The following SECISBP2 variants were observed in gnomAD, a reference collection of about 807,000 sequenced individuals.
The protein encoded by SECISBP2 is selenocysteine insertion sequence-binding protein 2.
SECISBP2 carries 96 observed loss-of-function variants against 98.2 expected under a neutral mutation model. That is an observed-to-expected ratio of 0.98 (90% CI 0.83 to 1.16). The LOEUF is 1.16. SECISBP2 is among the 50% of genes most tolerant of loss of function. The pLI is 0.00. For synonymous variants in SECISBP2, 407 were observed against 370.2 expected, an observed-to-expected ratio of 1.10 and a Z score of -1.14; for missense variants, 1,046 against 1,022.9, an observed-to-expected ratio of 1.02 and a Z score of -0.31.
Position 89,349,538 on chromosome 9 carries a change from A to G in SECISBP2, c.1739-238A>G, listed in dbSNP as rs78819008. Among the ~76,000 whole-genome samples, 1,052 of 152,376 alleles carry G rather than the reference A, an allele frequency of 6.9e-3. 15 individuals carry two copies. Among genetic ancestry groups the G allele is most frequent in the African/African-American group, 0.024 (996 of 41,590 alleles). ...ATTTTACCATAATAAAAATGAATGT[A>G]TAAGTAAATTGAGGGGAGGCACACC... On this transcript the variant is annotated intron_variant, in intron 12 of 16. Transcript: ENST00000375807.
rs1344577517 is a variant in SECISBP2 at position 89,359,625 on chromosome 9, TAAAG to T, written c.*803_*806del. ...AGTAAGAGGGCTTATTTATTTTAAATAAAGAGTAATTATTAAATTTTGTTTCAGA... is the reference window on the plus strand; with the variant it reads ...AGTAAGAGGGCTTATTTATTTTAAATAGTAATTATTAAATTTTGTTTCAGA... On this transcript the variant is annotated 3_prime_UTR_variant, in exon 17 of 17. Transcript: ENST00000375807. The T allele has an allele frequency of 6.6e-6, 1 of 152,180 alleles. No individual in the cohort carries two copies. Among genetic ancestry groups the T allele is most frequent in the East Asian group, 1.9e-4 (1 of 5,200 alleles). 9.4% of individuals were successfully genotyped at this position (152,180 alleles called of 1,614,324 possible).
chr9:89,338,542 T>G lies in SECISBP2; in HGVS notation c.1174T>G (p.Tyr392Asp), dbSNP rs1829148996. The G allele has an allele frequency of 6.2e-7, 1 of 1,612,876 alleles. No individual in the cohort carries two copies. The highest frequency in any genetic ancestry group is 1.1e-5 in the South Asian group (1 of 90,882). ...AAAGAAAGAAAAATCTACATCAAAA[T>G]ATGAAGTCCTGACAGTTCAAGAGCC... ...KKKKEKSTSK[Y>D]EVLTVQEPPR... Residue 392 changes from tyrosine (Y) to aspartate (D), a missense_variant, in exon 8 of 17, where the codon TAT becomes GAT. Coordinates refer to ENST00000375807, the MANE Select transcript of SECISBP2 (RefSeq NM_024077.5).
intron 10 of SECISBP2, among the ~76,000 whole-genome samples, chr9:89,346,449 A>G (rs914273388): frequency 1.3e-5 from 2 of 152,184 alleles, no homozygotes; most frequent in African/African-American, 4.8e-5. Flanking sequence ...TGCGGAAACC[A>G]ATAGGGCCAG....
rs779034587 is a variant in SECISBP2 at position 89,348,157 on chromosome 9, A to G, written c.1681A>G (p.Thr561Ala). 4 of 1,614,050 alleles carry G rather than the reference A, an allele frequency of 2.5e-6. No homozygotes were observed. The highest frequency in any genetic ancestry group is 1.7e-5 in the Admixed American group (1 of 60,008). Residue 561 changes from threonine to alanine, a missense_variant, in exon 12 of 17, where the codon ACA (threonine) becomes GCA (alanine). Thr to Ala is a moderately conservative substitution (Grantham distance 58, BLOSUM62 0). Transcript: ENST00000375807. ...AVSPAFTSDD[T>A]QDGESGGDDQ... ...GAGTCCAGCTTTTACCAGTGATGAC[A>G]CACAAGATGGAGAGAGTGGTGGTGA...
chr9:89,361,951 C>A, downstream of SECISBP2: 1 of 190,418 alleles, frequency 5.3e-6, no homozygotes, highest in Non-Finnish European at 1.1e-5. Flanking sequence ...AAGCAGCGAT[C>A]TGTGCTGGCC....
rs1306537708 is a variant in SECISBP2 at position 89,349,935 on chromosome 9, T to C, written c.1892+6T>C. ...CACAGCCGCAGATTCAGGGAGTGAG[T>C]GAGCCCCTGCCTGCCAGGGACTAGG... On this transcript the variant is annotated splice_donor_region_variant and intron_variant, in intron 13 of 16. Transcript: ENST00000375807. The C allele has an allele frequency of 6.2e-7, 1 of 1,613,712 alleles. No individual in the cohort carries two copies. Among genetic ancestry groups the C allele is most frequent in the Non-Finnish European group, 8.5e-7 (1 of 1,179,938 alleles).
chr9:89,335,603 TTACTGGCG>T (rs1321504752), intron 7 of SECISBP2, among the ~76,000 whole-genome samples: 3 of 152,312 alleles, frequency 2.0e-5, no homozygotes, highest in African/African-American at 2.4e-5. Context: ...AGTGCTGGGA[TTACTGGCG>T]TGAGCCACCG....
At chr9:89,322,725 G>A (rs116224328) in intron 2 of SECISBP2, 27 of 152,346 alleles carry the variant, frequency 1.8e-4, no homozygotes, top group African/African-American at 3.6e-4. Flanking sequence ...CACGTGGCTC[G>A]GTGGGTGGAG....
At chr9:89,329,459 C>CT (rs942713899) in intron 5 of SECISBP2, 21 of 150,054 alleles carry the variant, frequency 1.4e-4, no homozygotes, top group South Asian at 2.1e-4. Flanking sequence ...CCTAGTATAC[C>CT]TTTTTTTTTG....
In SECISBP2 at chr9:89,349,771, T is replaced by C. The variant is rs1215725106; in HGVS notation, c.1739-5T>C. 6.2e-6 allele frequency: 10 copies of C among 1,613,842 alleles called. No individual in the cohort carries two copies. The highest frequency in any genetic ancestry group is 5.0e-5 in the Admixed American group (3 of 59,994). On this transcript the variant is annotated splice_region_variant and splice_polypyrimidine_tract_variant and intron_variant, in intron 12 of 16. Coordinates refer to ENST00000375807, the MANE Select transcript of SECISBP2 (RefSeq NM_024077.5). The stretch of plus-strand genomic sequence containing the variant: ...TATCTGATGATGCCTTTTTCCTCCA[T>C]GAAGGGCCAGAGGGGATGGACGAAC...
rs748823216 is a variant in SECISBP2, at chr9:89,318,517, C to T, written c.-60C>T. ...GCGGGGGCGGAAACGCTTTGTCTGT[C>T]CGGCAAGCCGACGGCCCGCTGCTGG... On this transcript the variant is annotated 5_prime_UTR_variant, in exon 1 of 17. Coordinates refer to ENST00000375807, the MANE Select transcript of SECISBP2 (RefSeq NM_024077.5). 1 of 1,501,888 alleles carries T rather than the reference C, an allele frequency of 6.7e-7. No individual in the cohort carries two copies. 93.0% of individuals were successfully genotyped at this position (1,501,888 alleles called of 1,614,324 possible).
At chr9:89,355,470 A>G (rs533468778) in intron 14 of SECISBP2, 3 of 957,940 alleles carry the variant, frequency 3.1e-6, no homozygotes, top group Middle Eastern at 5.3e-4. Flanking sequence ...AATTGTTCAT[A>G]TTTGTTGCCC....
chr9:89,360,257 G>C (rs1438652622), downstream of SECISBP2, among the ~76,000 whole-genome samples: 1 of 152,114 alleles, frequency 6.6e-6, no homozygotes, highest in Admixed American at 6.5e-5. Context: ...CAGTCAGCGG[G>C]GCCAGCAGGA....
At chr9:89,333,919 C>CGGTGG in intron 6 of SECISBP2, 2 of 528,352 alleles carry the variant, frequency 3.8e-6, no homozygotes, top group South Asian at 7.6e-5. Flanking sequence ...GTGTAGTTCT[C>CGGTGG]TAGTGAGGGG....
intron 14 of SECISBP2, among the ~76,000 whole-genome samples, chr9:89,351,266 T>C (rs745879083): frequency 2.6e-5 from 4 of 152,260 alleles, no homozygotes; most frequent in Non-Finnish European, 5.9e-5. Flanking sequence ...TTGACTCATC[T>C]GTTTGCTTGT....
intron 5 of SECISBP2, chr9:89,329,854 A>G (rs1401906779): frequency 6.6e-6 from 1 of 152,168 alleles, no homozygotes; most frequent in East Asian, 1.9e-4. Flanking sequence ...TTGACAGCCC[A>G]TTTTCAACAC....
chr9:89,319,047 C>T, intron 1 of SECISBP2: 2 of 1,014,786 alleles, frequency 2.0e-6, no homozygotes, highest in East Asian at 9.8e-5. Context: ...CATTTTTAGA[C>T]CCATAAAATT....
intron 11 of SECISBP2, among the ~76,000 whole-genome samples, chr9:89,347,871 G>T (rs1027650173): frequency 1.3e-5 from 2 of 152,192 alleles, no homozygotes; most frequent in African/African-American, 2.4e-5. Flanking sequence ...CCCTGTGGCT[G>T]CTCTGCATAC....
chr9:89,345,589 G>T (rs1830306275), intron 10 of SECISBP2, among the ~76,000 whole-genome samples: 1 of 152,186 alleles, frequency 6.6e-6, no homozygotes, highest in Non-Finnish European at 1.5e-5. Flanking sequence ...TTTTGTGGGA[G>T]GGAATGGTTG....
Sources: allele counts gnomAD v4.1 joint callset (sites outside exome capture counted in the v4.1 genomes callset), GRCh38; gene constraint gnomAD v4.1.1; transcripts MANE v1.5; gene names NCBI Gene and HGNC (gene_info 2026-07-23, HGNC 2026-07-21).